The following AKAP7 variants were observed in gnomAD, a reference collection of about 807,000 sequenced individuals.
The protein encoded by AKAP7 is A kinase (PRKA) anchor protein 7.
Under a neutral mutation model 39.5 loss-of-function variants are expected in AKAP7, and 39 were observed. That is an observed-to-expected ratio of 0.99 (90% CI 0.76 to 1.29). AKAP7 has a LOEUF of 1.29. Among genes scored for constraint, AKAP7 ranks in the 50% most tolerant of loss-of-function variants. The probability of loss-of-function intolerance (pLI) is 0.00; values close to 1 mark genes in which losing one functional copy is unlikely to be tolerated. For synonymous variants in AKAP7, 140 were observed against 139.1 expected, an observed-to-expected ratio of 1.01 and a Z score of -0.05; for missense variants, 414 against 407.7, an observed-to-expected ratio of 1.02 and a Z score of -0.13.
At chr6:131,133,009 T>G (rs926724767), upstream of AKAP7, among the ~76,000 whole-genome samples, 2 of 152,250 alleles carry the variant, frequency 1.3e-5, no homozygotes, top group Non-Finnish European at 2.9e-5. Flanking sequence ...TTAGAATATA[T>G]TGATGATCTT....
chr6:131,265,792 C>T (rs1229699314), intron 7 of AKAP7, among the ~76,000 whole-genome samples: 1 of 152,112 alleles, frequency 6.6e-6, no homozygotes, highest in Non-Finnish European at 1.5e-5. Context: ...TTCGGCAAGT[C>T]TCATGGCTTC....
chr6:131,181,029 G>C (rs1805174452), intron 5 of AKAP7, among the ~76,000 whole-genome samples: 1 of 132,814 alleles, frequency 7.5e-6, no homozygotes, highest in African/African-American at 2.5e-5. Flanking sequence ...TCAGCCTCCT[G>C]GGTTCAAGCA....
intron 5 of AKAP7, among the ~76,000 whole-genome samples, chr6:131,175,256 G>A (rs1266294199): frequency 1.3e-5 from 2 of 152,100 alleles, no homozygotes; most frequent in Non-Finnish European, 2.9e-5. Context: ...CACAAGAGGT[G>A]GAGGTGGAAG....
At chr6:131,225,144 A>G (rs1288804087) in intron 7 of AKAP7, among the ~76,000 whole-genome samples, 1 of 152,178 alleles carries the variant, frequency 6.6e-6, no homozygotes, top group Admixed American at 6.5e-5. Context: ...ATTTCAATAC[A>G]GTCATTTTTT....
chr6:131,189,525 T>TA (rs1287058714), intron 5 of AKAP7, among the ~76,000 whole-genome samples: 2 of 152,182 alleles, frequency 1.3e-5, no homozygotes, highest in African/African-American at 4.8e-5. Context: ...ATGACTTTGT[T>TA]AAAATTGATC....
At chr6:131,262,416 G>A (rs1220462516) in intron 7 of AKAP7, among the ~76,000 whole-genome samples, 2 of 152,138 alleles carry the variant, frequency 1.3e-5, no homozygotes, top group Non-Finnish European at 1.5e-5. Flanking sequence ...CTGGCACATC[G>A]TTGTTGGCTA....
intron 7 of AKAP7, among the ~76,000 whole-genome samples, chr6:131,263,693 A>T (rs1813547745): frequency 1.3e-5 from 2 of 152,202 alleles, no homozygotes; most frequent in South Asian, 4.1e-4. Context: ...TACTGGAGCC[A>T]GAGAGAATGT....
chr6:131,273,940 CTTTTTT>C (rs1161809027), intron 7 of AKAP7, among the ~76,000 whole-genome samples: 1 of 130,304 alleles, frequency 7.7e-6, no homozygotes, highest in East Asian at 2.2e-4. Context: ...GTTGCCTTTT[CTTTTTT>C]TTTTTTTTTT....
intron 6 of AKAP7, among the ~76,000 whole-genome samples, chr6:131,215,291 C>G (rs1413656531): frequency 6.6e-6 from 1 of 152,248 alleles, no homozygotes; most frequent in Admixed American, 6.5e-5. Context: ...AGAGCCCAGC[C>G]ACATAGACTG....
intron 7 of AKAP7, among the ~76,000 whole-genome samples, chr6:131,256,231 G>A (rs886852343): frequency 1.3e-5 from 2 of 152,104 alleles, no homozygotes; most frequent in Admixed American, 6.5e-5. Context: ...CAGCAGGAAT[G>A]GTGTGCAAGG....
At chr6:131,134,289 TA>T (rs1800396934), upstream of AKAP7, among the ~76,000 whole-genome samples, 1 of 152,108 alleles carries the variant, frequency 6.6e-6, no homozygotes, top group African/African-American at 2.4e-5. Flanking sequence ...GCTTTAAAAA[TA>T]AAAATTTATG....
rs62422445 is a variant in AKAP7, at chr6:131,187,153, A to G, written c.590-12308A>G. Reference sequence around the variant, plus strand: ...GGATGGATTTTTTTTAAATTTCTGCAGAAAATACCATTGGGATTTTGATAG... The same window carrying G: ...GGATGGATTTTTTTTAAATTTCTGCGGAAAATACCATTGGGATTTTGATAG... On this transcript the variant is annotated intron_variant, in intron 5 of 7. Transcript: ENST00000431975. Among the ~76,000 whole-genome samples the G allele has an allele frequency of 5.6e-3, 847 of 152,274 alleles. 3 individuals carry two copies. The highest frequency in any genetic ancestry group is 0.01 in the Non-Finnish European group (691 of 68,020).
chr6:131,250,703 A>G, intron 7 of AKAP7: 1 of 1,344,116 alleles, frequency 7.4e-7, no homozygotes, highest in South Asian at 1.2e-5. Flanking sequence ...TCTTTTTTTA[A>G]TGGGAAGGAT....
chr6:131,147,526 A>G (rs1470710613), intron 2 of AKAP7, among the ~76,000 whole-genome samples: 2 of 152,204 alleles, frequency 1.3e-5, no homozygotes, highest in African/African-American at 4.8e-5. Context: ...GAATTTTCAT[A>G]CCTGTTAATT....
chr6:131,251,889 T>A lies in AKAP7; in HGVS notation c.851-29641T>A, dbSNP rs540468617. Reference sequence around the variant, plus strand: ...TTTGTCAGAATGATTTATTTGTAGTTCCTGAAGATTTGGGTTGGTTGATCT... The same window carrying A: ...TTTGTCAGAATGATTTATTTGTAGTACCTGAAGATTTGGGTTGGTTGATCT... On this transcript the variant is annotated intron_variant, in intron 7 of 7. Coordinates refer to ENST00000431975, the MANE Select transcript of AKAP7 (RefSeq NM_016377.4). Among the ~76,000 whole-genome samples, 3 of 152,376 alleles carry A rather than the reference T, an allele frequency of 2.0e-5. No homozygotes were observed. In the South Asian group the frequency reaches 6.2e-4, roughly 32 times the overall value.
intron 6 of AKAP7, among the ~76,000 whole-genome samples, chr6:131,201,114 G>A (rs141702629): frequency 4.0e-4 from 61 of 152,256 alleles, no homozygotes; most frequent in African/African-American, 1.3e-3. Flanking sequence ...TGGTTGTGAT[G>A]TAACTGAGAT....
intron 1 of AKAP7, 143 bp downstream of exon 1, chr6:131,135,925 T>A (rs945672153): frequency 1.0e-6 from 1 of 986,268 alleles, no homozygotes. Context: ...GGACTCAGGG[T>A]AGCACCGAGA....
chr6:131,150,393 T>A (rs1045229505), intron 2 of AKAP7, among the ~76,000 whole-genome samples: 9 of 152,170 alleles, frequency 5.9e-5, no homozygotes, highest in Non-Finnish European at 1.2e-4. Context: ...AAAACTTTTT[T>A]ATACAAAAAT....
intron 6 of AKAP7, among the ~76,000 whole-genome samples, chr6:131,204,671 G>A (rs920230839): frequency 6.6e-6 from 1 of 152,160 alleles, no homozygotes; most frequent in Non-Finnish European, 1.5e-5. Context: ...TGGGACCTTG[G>A]TGAGTGGAGT....
Sources: allele counts gnomAD v4.1 joint callset (sites outside exome capture counted in the v4.1 genomes callset), GRCh38; gene constraint gnomAD v4.1.1; transcripts MANE v1.5; gene names NCBI Gene and HGNC (gene_info 2026-07-23, HGNC 2026-07-21).